WDR72: variants seen among roughly 807,000 people sequenced by gnomAD.
WDR72 encodes the protein WD repeat domain 72.
In WDR72, 120 loss-of-function variants were observed where a neutral mutation model predicts 124.2. The ratio of observed to expected loss-of-function variants is 0.97; its 90% confidence interval spans 0.83 to 1.12. The LOEUF (loss-of-function observed/expected upper bound fraction) is 1.12. Ranked by LOEUF, WDR72 falls within the 50% of genes most tolerant of loss-of-function variation. The pLI, the probability that WDR72 is intolerant of heterozygous loss-of-function variation, is 0.00. For synonymous variants in WDR72, 452 were observed against 441.7 expected, an observed-to-expected ratio of 1.02 and a Z score of -0.29; for missense variants, 1,387 against 1,278.8, an observed-to-expected ratio of 1.08 and a Z score of -1.29.
At chr15:53,572,779 A>G (rs967036372) in intron 18 of WDR72, among the ~76,000 whole-genome samples, 1 of 152,196 alleles carries the variant, frequency 6.6e-6, no homozygotes, top group African/African-American at 2.4e-5. Flanking sequence ...CTTTGTTGCA[A>G]TACATGTTGT....
intron 1 of WDR72, among the ~76,000 whole-genome samples, chr15:53,755,920 AC>A (rs1346899747): frequency 6.6e-6 from 1 of 152,224 alleles, no homozygotes; most frequent in Non-Finnish European, 1.5e-5. Context: ...TATCAACCAC[AC>A]CTTCTCACTC....
At chr15:53,685,096 C>A (rs1389328626) in intron 13 of WDR72, among the ~76,000 whole-genome samples, 2 of 151,710 alleles carry the variant, frequency 1.3e-5, no homozygotes, top group Non-Finnish European at 2.9e-5. Flanking sequence ...GTAGATAAAA[C>A]CACAAAGATG....
chr15:53,723,843 T>C (rs1030889188), intron 2 of WDR72, among the ~76,000 whole-genome samples: 3 of 152,214 alleles, frequency 2.0e-5, no homozygotes, highest in Non-Finnish European at 2.9e-5. Flanking sequence ...AAAAAGTCAG[T>C]ACACGTTTAG....
chr15:53,519,467 T>A (rs1057034301), intron 19 of WDR72, among the ~76,000 whole-genome samples: 3 of 152,032 alleles, frequency 2.0e-5, no homozygotes, highest in Non-Finnish European at 4.4e-5. Context: ...TTCCCACAGG[T>A]TTCAGGAAGG....
chr15:53,658,518 A>C (rs999626947), intron 14 of WDR72, among the ~76,000 whole-genome samples: 1 of 152,234 alleles, frequency 6.6e-6, no homozygotes, highest in Non-Finnish European at 1.5e-5. Flanking sequence ...TGCTATGGGC[A>C]CAGCCACAAA....
chr15:53,606,551 A>G (rs2013291048), intron 17 of WDR72, among the ~76,000 whole-genome samples: 1 of 152,222 alleles, frequency 6.6e-6, no homozygotes, highest in Non-Finnish European at 1.5e-5. Context: ...AGCAAGCAAA[A>G]CAGCAAATAA....
At position 53,644,746 on chromosome 15, in the gene WDR72, C is replaced by T. The variant is rs532627746; in HGVS notation, c.1962+20826G>A. Among the ~76,000 whole-genome samples, 13 of 152,132 alleles carry T rather than the reference C, an allele frequency of 8.5e-5. No individual in the cohort carries two copies. In the East Asian group the frequency reaches 9.7e-4, roughly 11 times the overall value. On this transcript the variant is annotated intron_variant, in intron 14 of 19. Coordinates refer to ENST00000360509, the MANE Select transcript of WDR72 (RefSeq NM_182758.4). ...TGGCAGTAAAACTGTCTCCTTCCAA[C>T]GGGTCGGGTGGAGAGCAGCATGATT...
At chr15:53,531,538 T>C (rs896458958) in intron 18 of WDR72, among the ~76,000 whole-genome samples, 3 of 152,100 alleles carry the variant, frequency 2.0e-5, no homozygotes, top group Non-Finnish European at 4.4e-5. Context: ...CTCCAAGAGA[T>C]GGTTGCTGAA....
At chr15:53,647,344 C>A (rs2015078942) in intron 14 of WDR72, among the ~76,000 whole-genome samples, 1 of 151,824 alleles carries the variant, frequency 6.6e-6, no homozygotes, top group African/African-American at 2.4e-5. Context: ...ATTATTTTTG[C>A]CTTTAATAAA....
chr15:53,632,398 A>T (rs2014464468), intron 14 of WDR72, among the ~76,000 whole-genome samples: 2 of 152,038 alleles, frequency 1.3e-5, no homozygotes, highest in South Asian at 4.1e-4. Context: ...GGCCATATGG[A>T]AACACCTGGA....
intron 3 of WDR72, among the ~76,000 whole-genome samples, chr15:53,718,283 T>C (rs1008883289): frequency 2.6e-5 from 4 of 152,202 alleles, no homozygotes; most frequent in Non-Finnish European, 4.4e-5. Flanking sequence ...ATTCTAGCTA[T>C]ACATTAGACT....
Position 53,600,384 on chromosome 15 carries a change from A to C in WDR72, c.2953-3110T>G, listed in dbSNP as rs901943948. Reference sequence around the variant, plus strand: ...AGCTAGTATTGAGCATTATGGCTATAAAGCTGTCTTCCCAATGCATATAAA... The same window carrying C: ...AGCTAGTATTGAGCATTATGGCTATCAAGCTGTCTTCCCAATGCATATAAA... On this transcript the variant is annotated intron_variant, in intron 17 of 19. Coordinates refer to ENST00000360509, the MANE Select transcript of WDR72 (RefSeq NM_182758.4). Among the ~76,000 whole-genome samples the C allele has an allele frequency of 7.2e-5, 11 of 152,330 alleles. No individual in the cohort carries two copies. The South Asian group carries it at 2.3e-3, about 32-fold the overall frequency.
In WDR72 at chr15:53,613,517, A is replaced by G. The variant is rs1239647306; in HGVS notation, c.2872+149T>C. 37 of 598,584 alleles carry G rather than the reference A, an allele frequency of 6.2e-5. No individual in the cohort carries two copies. In the Middle Eastern group the frequency reaches 1.2e-3, roughly 20 times the overall value. 37.1% of individuals were successfully genotyped at this position (598,584 alleles called of 1,614,324 possible). On this transcript the variant is annotated intron_variant, in intron 16 of 19. Transcript: ENST00000360509. ...AAAGCTAAATGACTAGCCTAAAGCC[A>G]CACAGCTAGTGTAATCACAAACATA...
intron 14 of WDR72, among the ~76,000 whole-genome samples, chr15:53,648,599 CCT>C (rs1451501205): frequency 1.3e-5 from 2 of 152,062 alleles, no homozygotes; most frequent in Non-Finnish European, 2.9e-5. Flanking sequence ...TAGTGTTTCT[CCT>C]CTTTTGAGTG....
intron 1 of WDR72, among the ~76,000 whole-genome samples, chr15:53,754,440 T>C (rs548208566): frequency 2.0e-3 from 303 of 152,166 alleles, no homozygotes; most frequent in African/African-American, 6.6e-3. Context: ...TATGGCACTT[T>C]CTAAAACATC....
At chr15:53,673,979 G>C (rs916226963) in intron 13 of WDR72, among the ~76,000 whole-genome samples, 1 of 151,372 alleles carries the variant, frequency 6.6e-6, no homozygotes, top group Admixed American at 6.6e-5. Context: ...CAACAAGAGT[G>C]AAACTCCATC....
At chr15:53,689,477 T>A (rs62007979) in intron 13 of WDR72, among the ~76,000 whole-genome samples, 3,663 of 140,084 alleles carry the variant, frequency 0.026, 195 homozygotes, top group African/African-American at 0.099. Context: ...GCTCATCATC[T>A]CTGGCCATCA....
chr15:53,730,710 C>T (rs768576164), intron 2 of WDR72, among the ~76,000 whole-genome samples: 1 of 152,142 alleles, frequency 6.6e-6, no homozygotes, highest in East Asian at 1.9e-4. Context: ...GTAGTTACAT[C>T]CTTTTTTACA....
chr15:53,625,794 C>G (rs1485822965), intron 14 of WDR72, among the ~76,000 whole-genome samples: 1 of 129,364 alleles, frequency 7.7e-6, no homozygotes, highest in Non-Finnish European at 1.6e-5. Flanking sequence ...ACCAACTGTT[C>G]AGACAAAAAA....
Sources: allele counts gnomAD v4.1 joint callset (sites outside exome capture counted in the v4.1 genomes callset), GRCh38; gene constraint gnomAD v4.1.1; transcripts MANE v1.5; gene names NCBI Gene and HGNC (gene_info 2026-07-23, HGNC 2026-07-21).